Variants in PTPRD observed in about 807,000 individuals in gnomAD.
PTPRD encodes the protein receptor-type tyrosine-protein phosphatase delta.
In PTPRD, 34 loss-of-function variants were observed where a neutral mutation model predicts 214.5. The ratio of observed to expected loss-of-function variants is 0.16; its 90% CI spans 0.12 to 0.21. PTPRD has a LOEUF of 0.21. Among genes scored for constraint, PTPRD ranks in the 10% least tolerant of loss-of-function variants. The probability of loss-of-function intolerance (pLI) is 1.00; values close to 1 mark genes in which losing one functional copy is unlikely to be tolerated. For synonymous variants in PTPRD, 1,128 were observed against 845.7 expected (o/e 1.33, Z -5.79); for missense variants, 2,545 against 2,398.7 (o/e 1.06, Z -1.27).
intron 10 of PTPRD, among the ~76,000 whole-genome samples, chr9:9,125,744 T>TA (rs1412981975): frequency 1.3e-5 from 2 of 152,216 alleles, no homozygotes; most frequent in African/African-American, 2.4e-5. Flanking sequence ...GTGGCAGAAA[T>TA]AAAAAATCCA....
At chr9:8,789,998 T>G (rs1412943229) in intron 11 of PTPRD, among the ~76,000 whole-genome samples, 2 of 152,108 alleles carry the variant, frequency 1.3e-5, no homozygotes, top group Non-Finnish European at 2.9e-5. Context: ...ACTTTCATTG[T>G]GTTTATTATT....
chr9:9,279,171 T>A (rs930259168), intron 9 of PTPRD, among the ~76,000 whole-genome samples: 1 of 150,840 alleles, frequency 6.6e-6, no homozygotes, highest in Non-Finnish European at 1.5e-5. Context: ...GGTGTTAAGA[T>A]AATTTTGTAT....
chr9:9,291,133 A>G (rs1305621569), intron 9 of PTPRD, among the ~76,000 whole-genome samples: 2 of 151,486 alleles, frequency 1.3e-5, no homozygotes, highest in African/African-American at 4.8e-5. Context: ...ACTGAAATAC[A>G]TGGCCAATAA....
At chr9:10,465,620 C>T (rs547074537) in intron 2 of PTPRD, among the ~76,000 whole-genome samples, 2 of 152,124 alleles carry the variant, frequency 1.3e-5, no homozygotes, top group East Asian at 3.9e-4. Flanking sequence ...ATCACCTTTT[C>T]TGTGTTTAGA....
intron 5 of PTPRD, among the ~76,000 whole-genome samples, chr9:9,861,290 T>G (rs1480128067): frequency 1.3e-5 from 2 of 152,070 alleles, no homozygotes; most frequent in Non-Finnish European, 2.9e-5. Context: ...TATTTTTTTG[T>G]TTTTTGCTTT....
intron 7 of PTPRD, among the ~76,000 whole-genome samples, chr9:9,590,835 T>C (rs1301862315): frequency 6.6e-6 from 1 of 152,068 alleles, no homozygotes; most frequent in Non-Finnish European, 1.5e-5. Flanking sequence ...TAGAGGTTAA[T>C]GATATTAACT....
chr9:10,254,159 T>G (rs1055861420), intron 3 of PTPRD, among the ~76,000 whole-genome samples: 3 of 152,202 alleles, frequency 2.0e-5, no homozygotes, highest in African/African-American at 7.2e-5. Flanking sequence ...CAGTTTTAAA[T>G]TTTTGTTTAT....
chr9:8,485,775 C>A lies in PTPRD; in HGVS notation c.3042G>T (p.Leu1014=). 1 of 1,611,416 alleles carries A rather than the reference C, an allele frequency of 6.2e-7. No individual in the cohort carries two copies. The highest frequency in any genetic ancestry group is 8.5e-7 in the Non-Finnish European group (1 of 1,178,966). ...PYSPSVQFRT[L]PVDQVFAKNF... is the part of the protein sequence containing the mutation. ...GACAAATCCTACCTTGATCCACAGG[C>A]AGTGTCCTGAACTGGACACTGGGAC... The change falls in exon 28 of 46, where the codon CTG becomes CTT. Residue 1014 remains leucine (L), a synonymous_variant. Coordinates refer to ENST00000381196, the MANE Select transcript of PTPRD (RefSeq NM_002839.4).
At chr9:8,353,683 C>T (rs1244989389) in intron 39 of PTPRD, among the ~76,000 whole-genome samples, 2 of 151,882 alleles carry the variant, frequency 1.3e-5, no homozygotes, top group Non-Finnish European at 2.9e-5. Flanking sequence ...ATCTGCCCGC[C>T]TCAGCCCCCC....
At chr9:8,949,889 A>G (rs1355921980) in intron 11 of PTPRD, among the ~76,000 whole-genome samples, 1 of 152,206 alleles carries the variant, frequency 6.6e-6, no homozygotes, top group Non-Finnish European at 1.5e-5. Flanking sequence ...GAAGACAAAT[A>G]GAAATTTTAT....
At chr9:10,364,239 G>A (rs1394220007) in intron 2 of PTPRD, among the ~76,000 whole-genome samples, 1 of 151,962 alleles carries the variant, frequency 6.6e-6, no homozygotes, top group Non-Finnish European at 1.5e-5. Context: ...CTGACCTCGT[G>A]ATCCGCCTGT....
chr9:8,478,876 ACCT>A (rs2096822850), intron 30 of PTPRD, among the ~76,000 whole-genome samples: 1 of 152,152 alleles, frequency 6.6e-6, no homozygotes, highest in Non-Finnish European at 1.5e-5. Flanking sequence ...AGGGGCCAAG[ACCT>A]CCTCATTAAC....
intron 2 of PTPRD, among the ~76,000 whole-genome samples, chr9:10,463,264 A>C (rs1252233341): frequency 6.6e-6 from 1 of 152,088 alleles, no homozygotes; most frequent in African/African-American, 2.4e-5. Flanking sequence ...ACGAGCATTT[A>C]TTTGAGAAGT....
chr9:10,354,917 G>T (rs2097249388), intron 2 of PTPRD, among the ~76,000 whole-genome samples: 1 of 152,272 alleles, frequency 6.6e-6, no homozygotes, highest in African/African-American at 2.4e-5. Flanking sequence ...ACTTCAGCAT[G>T]TGTCCCATTG....
intron 7 of PTPRD, among the ~76,000 whole-genome samples, chr9:9,627,887 GTT>G (rs565304609): frequency 5.6e-4 from 86 of 152,232 alleles, no homozygotes; most frequent in African/African-American, 2.0e-3. Context: ...GGTTAGAGAA[GTT>G]AGAGAAAAAG....
intron 10 of PTPRD, among the ~76,000 whole-genome samples, chr9:9,030,839 G>C (rs1360490928): frequency 6.6e-6 from 1 of 151,898 alleles, no homozygotes; most frequent in African/African-American, 2.4e-5. Flanking sequence ...TTATATACAT[G>C]TTTACATGTC....
chr9:9,840,761 C>CAA lies in PTPRD; in HGVS notation c.-367-73912_-367-73911dup, dbSNP rs59780411. 1.2e-3 allele frequency among the ~76,000 whole-genome samples: 75 copies of CAA among 61,610 alleles called. 3 individuals are homozygous for CAA. Among genetic ancestry groups the CAA allele is most frequent in the Non-Finnish European group, 1.7e-3 (63 of 37,864 alleles). The allele number at this position is 61,610 out of a possible 152,430, so 40.4% of individuals were successfully genotyped here. On this transcript the variant is annotated intron_variant, in intron 5 of 45. Coordinates refer to ENST00000381196, the MANE Select transcript of PTPRD (RefSeq NM_002839.4). ...CTGGCGACAGAGCAAGACTCCGTTTCAAAAAAAAAAAAAAAAAAAAAAAAA... is the reference window on the plus strand; with the variant it reads ...CTGGCGACAGAGCAAGACTCCGTTTCAAAAAAAAAAAAAAAAAAAAAAAAAAA...
At chr9:9,934,012 G>C (rs1489761976) in intron 5 of PTPRD, among the ~76,000 whole-genome samples, 1 of 147,972 alleles carries the variant, frequency 6.8e-6, no homozygotes, top group South Asian at 2.1e-4. Context: ...CAGAAATAAA[G>C]ATGTTCTTTG....
chr9:9,470,539 G>A (rs905213573), intron 8 of PTPRD, among the ~76,000 whole-genome samples: 1 of 152,070 alleles, frequency 6.6e-6, no homozygotes, highest in African/African-American at 2.4e-5. Context: ...GAATAGAAGG[G>A]TTTTCTAACA....
Sources: allele counts gnomAD v4.1 joint callset (sites outside exome capture counted in the v4.1 genomes callset), GRCh38; gene constraint gnomAD v4.1.1; transcripts MANE v1.5; gene names NCBI Gene and HGNC (gene_info 2026-07-23, HGNC 2026-07-21).